Variants in CTBP2 observed in about 807,000 individuals in gnomAD.
The protein encoded by CTBP2 is C-terminal-binding protein 2.
Under a neutral mutation model 80.3 loss-of-function variants are expected in CTBP2, and 30 were observed. That is an observed-to-expected ratio of 0.37 (90% CI 0.28 to 0.51). The LOEUF (loss-of-function observed/expected upper bound fraction) is 0.51. CTBP2 is among the 20% of genes least tolerant of loss of function. The pLI is 0.93. For synonymous variants in CTBP2, 594 were observed against 587.4 expected, an observed-to-expected ratio of 1.01 and a Z score of -0.16; for missense variants, 1,212 against 1,375.3, an observed-to-expected ratio of 0.88 and a Z score of 1.88.
rs3824796 is a variant in CTBP2 at position 125,026,806 on chromosome 10, C to T, written c.954G>A (p.Pro318=). 2.2e-3 allele frequency: 3,514 copies of T among 1,613,318 alleles called. 48 individuals carry two copies. The African/African-American group carries it at 0.022, about 10-fold the overall frequency. The change falls in exon 1 of 9, where the codon CCG becomes CCA. Residue 318 remains proline (P), a synonymous_variant. Transcript: ENST00000309035. ...CGTCCTCCAGGGTAGCCAGGACGGC[C>T]GGGGAGTCAAAGCCCTGCTGCAGTA...
At position 125,057,559 on chromosome 10, in the gene CTBP2, G is replaced by A. The variant is rs1036679; in HGVS notation, c.-101-18404C>T. ...GGGATGACGTTTTTGCTGTGAGTGC[G>A]TATCCCTTTTCCAGGCCACAGAATC... On this transcript the variant is annotated intron_variant, in intron 2 of 10. Transcript: ENST00000337195. Among the ~76,000 whole-genome samples, 494 of 152,286 alleles carry A rather than the reference G, an allele frequency of 3.2e-3. 3 individuals carry two copies. The highest frequency in any genetic ancestry group is 0.011 in the African/African-American group (445 of 41,538).
At chr10:125,101,212 C>T (rs1484111035) in intron 2 of CTBP2, among the ~76,000 whole-genome samples, 2 of 152,334 alleles carry the variant, frequency 1.3e-5, no homozygotes, top group African/African-American at 4.8e-5. Flanking sequence ...TGAATCTAAC[C>T]GCCTTTCATG....
chr10:125,021,857 A>C (rs1957071428), intron 1 of CTBP2, among the ~76,000 whole-genome samples: 2 of 152,214 alleles, frequency 1.3e-5, no homozygotes, highest in Non-Finnish European at 2.9e-5. Flanking sequence ...TTTTGCTAGA[A>C]AAGGCTGAGC....
rs1564740189 is a variant in CTBP2, at chr10:125,026,647, G to C, written c.1113C>G (p.Ser371Arg). The change falls in exon 1 of 9, where the codon AGC (serine) becomes AGG (arginine). Residue 371 changes from serine to arginine, a missense_variant. Coordinates refer to ENST00000309035, the MANE Select transcript of CTBP2 (RefSeq NM_022802.3). Reference sequence around the variant, plus strand: ...GGAGCAGTTCGCTTCGGTGGCTGAAGCTGCTGGACCGCGCCCGGGGCAGCG... The same window carrying C: ...GGAGCAGTTCGCTTCGGTGGCTGAACCTGCTGGACCGCGCCCGGGGCAGCG... The C allele has an allele frequency of 6.3e-7, 1 of 1,587,974 alleles. No homozygotes were observed. The highest frequency in any genetic ancestry group is 8.6e-7 in the Non-Finnish European group (1 of 1,167,768).
chr10:125,075,793 T>C (rs1037967226), intron 2 of CTBP2, among the ~76,000 whole-genome samples: 2 of 152,218 alleles, frequency 1.3e-5, no homozygotes, highest in African/African-American at 4.8e-5. Context: ...TGCTAAGAAT[T>C]GCCAAAGCTG....
intron 1 of CTBP2, among the ~76,000 whole-genome samples, chr10:125,016,451 G>C (rs765834379): frequency 7.9e-5 from 12 of 152,232 alleles, no homozygotes; most frequent in Non-Finnish European, 1.2e-4. Flanking sequence ...TCCCGCAAAA[G>C]GACCCTGAGT....
At position 125,041,544 on chromosome 10, in the gene CTBP2, T is replaced by C. The variant is rs541386241; in HGVS notation, c.-101-2389A>G. Among the ~76,000 whole-genome samples, 599 of 119,968 alleles carry C rather than the reference T, an allele frequency of 5.0e-3. 16 individuals are homozygous for C. The highest frequency in any genetic ancestry group is 0.046 in the Admixed American group (446 of 9,630). The allele number at this position is 119,968 out of a possible 152,430, so 78.7% of individuals were successfully genotyped here. On this transcript the variant is annotated intron_variant, in intron 2 of 10. Coordinates refer to the CTBP2 transcript ENST00000337195. ...ACCCACAAGTGACTCTAGGTGAGGC[T>C]GACCAGGGAGGCTCGGGCCAGCAAT... is the stretch of plus-strand genomic sequence containing the variant.
intron 1 of CTBP2, among the ~76,000 whole-genome samples, chr10:125,142,562 C>G (rs573858870): frequency 7.6e-4 from 115 of 152,250 alleles, no homozygotes; most frequent in Non-Finnish European, 1.3e-3. Flanking sequence ...GGTGGCGACG[C>G]CTAGATCGTC....
intron 1 of CTBP2, among the ~76,000 whole-genome samples, chr10:125,117,676 G>T (rs1479346028): frequency 1.3e-5 from 2 of 152,196 alleles, no homozygotes; most frequent in African/African-American, 4.8e-5. Context: ...GTACCCGAGA[G>T]GTTGTCACTT....
chr10:125,017,859 G>C (rs1230788206), intron 1 of CTBP2, among the ~76,000 whole-genome samples: 1 of 152,194 alleles, frequency 6.6e-6, no homozygotes, highest in Non-Finnish European at 1.5e-5. Flanking sequence ...GCGGTTCTCA[G>C]AGCCGTGGGG....
intron 1 of CTBP2, among the ~76,000 whole-genome samples, chr10:125,158,294 G>T (rs930979418): frequency 6.6e-6 from 1 of 152,074 alleles, no homozygotes; most frequent in Non-Finnish European, 1.5e-5. Context: ...AACTGTCTTC[G>T]AACCCAAACA....
At chr10:125,134,443 G>A (rs138467488) in intron 1 of CTBP2, among the ~76,000 whole-genome samples, 1 of 152,314 alleles carries the variant, frequency 6.6e-6, no homozygotes, top group East Asian at 1.9e-4. Context: ...AGGTCCCTCT[G>A]CTTCCTGGCC....
chr10:125,006,900 A>T (rs568214367), intron 1 of CTBP2, among the ~76,000 whole-genome samples: 3 of 152,326 alleles, frequency 2.0e-5, no homozygotes, highest in Admixed American at 2.0e-4. Flanking sequence ...GTTGCTATGC[A>T]CAGCTGACGG....
intron 1 of CTBP2, among the ~76,000 whole-genome samples, chr10:125,021,604 T>A (rs1378890177): frequency 6.6e-6 from 1 of 152,078 alleles, no homozygotes; most frequent in South Asian, 2.1e-4. Context: ...GGAGGGATGA[T>A]CACTGCTGTT....
At chr10:125,159,515 C>T (rs934068369) in intron 1 of CTBP2, among the ~76,000 whole-genome samples, 3 of 148,468 alleles carry the variant, frequency 2.0e-5, no homozygotes, top group Non-Finnish European at 3.0e-5. Context: ...GCAGCGGCAG[C>T]AGATGTGGCC....
intron 1 of CTBP2, among the ~76,000 whole-genome samples, chr10:125,135,143 C>T (rs1464786112): frequency 1.3e-5 from 2 of 152,020 alleles, no homozygotes; most frequent in Non-Finnish European, 2.9e-5. Flanking sequence ...CCTCCTGCAC[C>T]CTGGGAGGAA....
intron 1 of CTBP2, among the ~76,000 whole-genome samples, chr10:125,112,664 T>C (rs1852507818): frequency 1.3e-5 from 2 of 152,078 alleles, no homozygotes; most frequent in African/African-American, 4.8e-5. Context: ...CCTGACCTTC[T>C]GATCTGTCTG....
intron 2 of CTBP2, among the ~76,000 whole-genome samples, chr10:125,070,644 T>C (rs1249929592): frequency 6.6e-6 from 1 of 151,574 alleles, no homozygotes; most frequent in African/African-American, 2.4e-5. Flanking sequence ...TGTATTATCA[T>C]CACAATTTTT....
intron 3 of CTBP2, chr10:124,998,452 C>A (rs1423883788): frequency 6.4e-6 from 3 of 470,258 alleles, no homozygotes; most frequent in Non-Finnish European, 1.2e-5. Flanking sequence ...TTGGGCCTGA[C>A]TGGCTTCCTC....
Sources: gnomAD v4.1 joint callset for allele counts (sites outside exome capture counted in the v4.1 genomes callset) on GRCh38, gnomAD v4.1.1 for gene constraint, MANE v1.5 for transcripts, NCBI Gene and HGNC (gene_info 2026-07-23, HGNC 2026-07-21) for gene names.